The following DLG5 variants were observed in gnomAD, a reference collection of about 807,000 sequenced individuals.
DLG5 encodes disks large homolog 5.
In DLG5, 48 loss-of-function variants were observed where a neutral mutation model predicts 189.8. The observed-to-expected ratio is 0.25, with a 90% confidence interval of 0.20 to 0.32. DLG5 has a LOEUF of 0.32. DLG5 is among the 10% of genes least tolerant of loss of function. The pLI is 1.00. For synonymous variants in DLG5, 1,016 were observed against 1,054.1 expected (o/e 0.96, Z 0.70); for missense variants, 2,160 against 2,544.7 (o/e 0.85, Z 3.25).
rs565803005 is a variant in DLG5 at position 77,880,310 on chromosome 10, C to T, written c.305-11113G>A. ...CTCTACTAAAAATACAAAAATTAGCCGGCCATGGTGGCGCATGCCTGTAAT... is the reference window on the plus strand; with the variant it reads ...CTCTACTAAAAATACAAAAATTAGCTGGCCATGGTGGCGCATGCCTGTAAT... On this transcript the variant is annotated intron_variant, in intron 1 of 31. Coordinates refer to ENST00000372391, the MANE Select transcript of DLG5 (RefSeq NM_004747.4). Among the ~76,000 whole-genome samples, 8 of 152,176 alleles carry T rather than the reference C, an allele frequency of 5.3e-5. No individual in the cohort carries two copies. The South Asian group carries it at 8.3e-4, about 16-fold the overall frequency.
At chr10:77,835,981 G>T (rs1035473927) in intron 7 of DLG5, 59 bp from the exon 8 acceptor site, 31 of 1,552,686 alleles carry the variant, frequency 2.0e-5, no homozygotes, top group Non-Finnish European at 2.7e-5. Context: ...GACCAGGAGC[G>T]CCTCCCACCA....
chr10:77,928,389 C>T (rs1162157803), upstream of DLG5: 3 of 152,172 alleles, frequency 2.0e-5, no homozygotes, highest in East Asian at 5.8e-4. Flanking sequence ...CAGAAATGAA[C>T]TATTTAAAGA....
intron 27 of DLG5, among the ~76,000 whole-genome samples, chr10:77,803,929 G>C (rs1603641127): frequency 7.4e-6 from 1 of 135,356 alleles, no homozygotes; most frequent in Admixed American, 8.1e-5. Flanking sequence ...TCACTCTGTT[G>C]CCTGGGCTAG....
intron 13 of DLG5, among the ~76,000 whole-genome samples, chr10:77,826,149 C>G (rs973793924): frequency 1.3e-5 from 2 of 152,172 alleles, no homozygotes; most frequent in Non-Finnish European, 2.9e-5. Context: ...ACCCCACCCC[C>G]AGGAATGTAC....
chr10:77,862,931 T>C (rs1589230060), intron 2 of DLG5, among the ~76,000 whole-genome samples: 1 of 152,152 alleles, frequency 6.6e-6, no homozygotes, highest in African/African-American at 2.4e-5. Flanking sequence ...AAAGGGCAGA[T>C]TGCAAAAGTG....
intron 2 of DLG5, among the ~76,000 whole-genome samples, chr10:77,860,562 A>G (rs1340563844): frequency 2.0e-5 from 3 of 152,168 alleles, no homozygotes; most frequent in Non-Finnish European, 4.4e-5. Flanking sequence ...TGGCCTCCCA[A>G]AGTGCTGGGA....
intron 7 of DLG5, among the ~76,000 whole-genome samples, chr10:77,837,214 C>CAAAAAA (rs10531052): frequency 1.4e-5 from 1 of 69,712 alleles, no homozygotes; most frequent in Non-Finnish European, 2.7e-5. Flanking sequence ...GACTCGGTCT[C>CAAAAAA]AAAAAAAAAA....
chr10:77,855,104 G>T (rs1844168207), intron 3 of DLG5, among the ~76,000 whole-genome samples: 1 of 152,188 alleles, frequency 6.6e-6, no homozygotes, highest in African/African-American at 2.4e-5. Context: ...AAATACCAAT[G>T]CCCAGGTCAA....
intron 15 of DLG5, 24 bp downstream of exon 15, chr10:77,821,058 C>T: frequency 1.9e-6 from 3 of 1,578,202 alleles, no homozygotes; most frequent in Admixed American, 1.7e-5. Flanking sequence ...CCTCCCCTCC[C>T]CACACCCTGG....
chr10:77,843,818 G>T, intron 5 of DLG5, 112 bp from the exon 6 acceptor site: 2 of 1,428,798 alleles, frequency 1.4e-6, no homozygotes, highest in Non-Finnish European at 1.9e-6. Flanking sequence ...GCGGTTGGGG[G>T]GAGGGGGTTA....
chr10:77,802,947 G>C (rs189620890), intron 27 of DLG5, among the ~76,000 whole-genome samples: 104 of 152,244 alleles, frequency 6.8e-4, no homozygotes, highest in African/African-American at 2.4e-3. Context: ...ATCAAAGTTA[G>C]AAAAGAGATA....
At chr10:77,921,529 T>TAG (rs1846533733) in intron 1 of DLG5, among the ~76,000 whole-genome samples, 3 of 152,232 alleles carry the variant, frequency 2.0e-5, no homozygotes, top group Non-Finnish European at 4.4e-5. Context: ...ATTAAGGTCC[T>TAG]CCAGATTACC....
upstream of DLG5, among the ~76,000 whole-genome samples, chr10:77,931,072 G>A (rs751837313): frequency 2.0e-5 from 3 of 151,184 alleles, no homozygotes; most frequent in Non-Finnish European, 4.4e-5. Flanking sequence ...TGCCCTCCTC[G>A]GCCTCCCAAA....
rs59852982 is a variant in DLG5 at position 77,838,439 on chromosome 10, G to A, written c.1438-2517C>T. ...GGAGGGCGGCCTTAGGGGAGCTCCC[G>A]AGGATATCTCTCCCCTGGGAGCTGG... On this transcript the variant is annotated intron_variant, in intron 7 of 31. Coordinates refer to ENST00000372391, the MANE Select transcript of DLG5 (RefSeq NM_004747.4). Among the ~76,000 whole-genome samples, 1,515 of 152,234 alleles carry A rather than the reference G, an allele frequency of 1.0e-2. 27 individuals carry two copies. Among genetic ancestry groups the A allele is most frequent in the African/African-American group, 0.034 (1,412 of 41,550 alleles).
Position 77,897,406 on chromosome 10 carries a change from T to C in DLG5, c.305-28209A>G, listed in dbSNP as rs562588806. The stretch of plus-strand genomic sequence containing the variant: ...ATAAATAATTTTTGCTATTTAACAA[T>C]TGATTTAAAAACAAGTGAGTAATGT... On this transcript the variant is annotated intron_variant, in intron 1 of 31. Coordinates refer to ENST00000372391, the MANE Select transcript of DLG5 (RefSeq NM_004747.4). Among the ~76,000 whole-genome samples, 251 of 152,240 alleles carry C rather than the reference T, an allele frequency of 1.6e-3. 1 individual carries two copies. Among genetic ancestry groups the C allele is most frequent in the African/African-American group, 5.8e-3 (241 of 41,550 alleles).
chr10:77,899,149 CT>C (rs760873559), intron 1 of DLG5, among the ~76,000 whole-genome samples: 64 of 152,310 alleles, frequency 4.2e-4, no homozygotes, highest in Non-Finnish European at 6.6e-4. Context: ...ACCTATCTCC[CT>C]AGTAAGGATG....
chr10:77,809,479 C>A (rs11593682), intron 24 of DLG5, 68 bp downstream of exon 24: 1 of 1,518,374 alleles, frequency 6.6e-7, no homozygotes, highest in Non-Finnish European at 8.9e-7. Flanking sequence ...TTGGTGCCAC[C>A]TGAGATGGCA....
chr10:77,795,842 A>G (rs1254401304), intron 29 of DLG5, among the ~76,000 whole-genome samples: 6 of 152,156 alleles, frequency 3.9e-5, no homozygotes, highest in Admixed American at 3.9e-4. Flanking sequence ...CGGCACATAC[A>G]CAGGGGAACT....
At chr10:77,927,867 G>A (rs946602144), upstream of DLG5, 7 of 152,222 alleles carry the variant, frequency 4.6e-5, no homozygotes, top group East Asian at 1.9e-4. Flanking sequence ...TGCGCTCAGT[G>A]ATCCCGCAGT....
Sources: allele counts gnomAD v4.1 joint callset (sites outside exome capture counted in the v4.1 genomes callset), GRCh38; gene constraint gnomAD v4.1.1; transcripts MANE v1.5; gene names NCBI Gene and HGNC (gene_info 2026-07-23, HGNC 2026-07-21).